The following RNASEH2B variants were observed in gnomAD, a reference collection of about 807,000 sequenced individuals.
RNASEH2B encodes the protein Aicardi-Goutieres syndrome 2 protein.
A neutral mutation model predicts 45.0 loss-of-function variants in RNASEH2B; 36 were observed. The ratio of observed to expected loss-of-function variants is 0.80; its 90% CI spans 0.61 to 1.06. The LOEUF (loss-of-function observed/expected upper bound fraction) is 1.06. Among genes scored for constraint, RNASEH2B ranks in the 50% least tolerant of loss-of-function variants. The pLI is 0.00. For missense variants in RNASEH2B, 361 were observed against 360.3 expected (o/e 1.00, Z -0.02); for synonymous variants, 119 against 125.7 (o/e 0.95, Z 0.35).
At position 50,934,911 on chromosome 13, in the gene RNASEH2B, TGTG is replaced by T; in HGVS notation, c.353_355del (p.Val118del). The T allele has an allele frequency of 6.2e-7, 1 of 1,613,760 alleles. No homozygotes were observed. The highest frequency in any genetic ancestry group is 8.5e-7 in the Non-Finnish European group (1 of 1,179,686). ...GGAAGTTTCAGCCCCTTGATCAAGTTGTGGTGGATAACGTGTTTCCAAATTGCA... is the reference window on the plus strand; with the variant it reads ...GGAAGTTTCAGCCCCTTGATCAAGTTGTGGATAACGTGTTTCCAAATTGCA... On this transcript the variant is annotated inframe_deletion, in exon 5 of 11. Transcript: ENST00000336617.
intron 3 of RNASEH2B, chr13:50,930,053 C>G: frequency 4.5e-6 from 1 of 220,400 alleles, no homozygotes. Flanking sequence ...ACATACACCC[C>G]CCAGCACCAA....
intron 1 of RNASEH2B, among the ~76,000 whole-genome samples, chr13:50,920,120 T>G (rs1951502806): frequency 6.6e-6 from 1 of 152,102 alleles, no homozygotes; most frequent in Admixed American, 6.6e-5. Flanking sequence ...TCTAACTGCC[T>G]CCTGGGTTCA....
chr13:50,954,015 G>T (rs369199159), intron 10 of RNASEH2B, 30 bp downstream of exon 10: 3 of 1,372,308 alleles, frequency 2.2e-6, no homozygotes, highest in African/African-American at 2.8e-5. Context: ...GTGGTGTTTC[G>T]TTCATACTCA....
chr13:50,927,395 G>A lies in RNASEH2B; in HGVS notation c.65-12G>A. 2.7e-6 allele frequency: 4 copies of A among 1,506,504 alleles called. No homozygotes were observed. The highest frequency in any genetic ancestry group is 3.7e-6 in the Non-Finnish European group (4 of 1,082,432). 93.3% of individuals were successfully genotyped at this position (1,506,504 alleles called of 1,614,324 possible). Reference sequence around the variant, plus strand: ...TGTGTTTTAATTTTAGATATTCACGGTTTATTTTCAGAATATTTAAAAGAT... The same window carrying A: ...TGTGTTTTAATTTTAGATATTCACGATTTATTTTCAGAATATTTAAAAGAT... On this transcript the variant is annotated splice_polypyrimidine_tract_variant and intron_variant, in intron 1 of 10. Coordinates refer to ENST00000336617, the MANE Select transcript of RNASEH2B (RefSeq NM_024570.4).
intron 8 of RNASEH2B, chr13:50,948,682 TTTG>T (rs1450345577): frequency 3.3e-5 from 5 of 152,288 alleles, no homozygotes; most frequent in South Asian, 4.1e-4. Flanking sequence ...GTTACTTAAT[TTTG>T]TTGTTAAGAT....
At chr13:50,952,814 G>A (rs1951994080) in intron 9 of RNASEH2B, 1 of 152,222 alleles carries the variant, frequency 6.6e-6, no homozygotes, top group African/African-American at 2.4e-5. Context: ...AGAGGTTGCT[G>A]TGTGGCCAAG....
In RNASEH2B at chr13:50,920,191, T is replaced by C. The variant is rs112929111; in HGVS notation, c.65-7216T>C. Among the ~76,000 whole-genome samples the C allele has an allele frequency of 5.1e-3, 778 of 152,274 alleles. 1 individual carries two copies. Among genetic ancestry groups the C allele is most frequent in the Non-Finnish European group, 7.7e-3 (522 of 68,012 alleles). On this transcript the variant is annotated intron_variant, in intron 1 of 10. Coordinates refer to ENST00000336617, the MANE Select transcript of RNASEH2B (RefSeq NM_024570.4). ...TCCCAAGTAGCTGGGATTACAGGCATGTGCCACCACACCCGGCTAATTTTT... is the reference window on the plus strand; with the variant it reads ...TCCCAAGTAGCTGGGATTACAGGCACGTGCCACCACACCCGGCTAATTTTT...
chr13:50,949,149 A>G (rs941999218), intron 8 of RNASEH2B: 3 of 278,518 alleles, frequency 1.1e-5, no homozygotes, highest in Non-Finnish European at 2.0e-5. Context: ...CATCTTCACT[A>G]TGAAGAAAAA....
downstream of RNASEH2B, chr13:50,959,990 T>C (rs114153983): frequency 6.2e-3 from 2,190 of 355,814 alleles, 40 homozygotes; most frequent in African/African-American, 0.043. Flanking sequence ...TAAATATTCT[T>C]ATTTGGGAAT....
chr13:50,936,017 T>C (rs1467908498), intron 5 of RNASEH2B: 1 of 151,948 alleles, frequency 6.6e-6, no homozygotes, highest in Non-Finnish European at 1.5e-5. Flanking sequence ...TGGGTGGTGG[T>C]CAAGGAGAAG....
At chr13:50,950,115 A>G (rs200841932) in intron 9 of RNASEH2B, 1 of 152,558 alleles carries the variant, frequency 6.6e-6, no homozygotes, top group Non-Finnish European at 1.5e-5. Flanking sequence ...CCTGACTGCA[A>G]ATTGCAGCGT....
chr13:50,916,345 TTGG>T (rs1379352806), intron 1 of RNASEH2B, among the ~76,000 whole-genome samples: 1 of 152,198 alleles, frequency 6.6e-6, no homozygotes, highest in African/African-American at 2.4e-5. Flanking sequence ...CTACATAAAA[TTGG>T]AGAAAGTTCA....
chr13:50,956,239 TAGTG>T (rs1218255700), intron 10 of RNASEH2B, 115 bp from the exon 11 acceptor site: 7 of 781,692 alleles, frequency 9.0e-6, no homozygotes, highest in Non-Finnish European at 1.5e-5. Flanking sequence ...TGAAGCATGT[TAGTG>T]GGGGATGCTT....
intron 6 of RNASEH2B, among the ~76,000 whole-genome samples, chr13:50,944,769 G>T (rs1456545788): frequency 1.3e-5 from 2 of 152,150 alleles, no homozygotes; most frequent in African/African-American, 4.8e-5. Context: ...GATTTAGAGT[G>T]CCATGTTTCA....
At chr13:50,920,007 GTGTTTTGTTTTGTTTTGTTTTGTTT>G (rs201084919) in intron 1 of RNASEH2B, among the ~76,000 whole-genome samples, 1 of 149,660 alleles carries the variant, frequency 6.7e-6, no homozygotes, top group East Asian at 2.0e-4. Flanking sequence ...TTTGTTGAGG[GTGTTTTGTTTTGTTTTGTTTTGTTT>G]TGTTTTGTTT....
At chr13:50,943,445 A>T in intron 6 of RNASEH2B, 51 bp downstream of exon 6, 1 of 1,331,656 alleles carries the variant, frequency 7.5e-7, no homozygotes, top group Admixed American at 1.7e-5. Flanking sequence ...TCAGTTCTCT[A>T]AGAAATTTTC....
At chr13:50,918,426 T>C (rs1879870360) in intron 1 of RNASEH2B, among the ~76,000 whole-genome samples, 2 of 152,218 alleles carry the variant, frequency 1.3e-5, no homozygotes, top group Non-Finnish European at 2.9e-5. Context: ...CGTGAGCCAC[T>C]GCGCCCGGCC....
At chr13:50,912,272 C>G (rs1188679701) in intron 1 of RNASEH2B, 3 of 152,278 alleles carry the variant, frequency 2.0e-5, no homozygotes, top group African/African-American at 4.8e-5. Flanking sequence ...CACTAGTTCT[C>G]AAACTTGAGG....
rs77391331 is a variant in RNASEH2B, at chr13:50,948,025, T to C, written c.655T>C (p.Tyr219His). The C allele has an allele frequency of 1.2e-6, 2 of 1,611,576 alleles. No individual in the cohort carries two copies. The highest frequency in any genetic ancestry group is 3.3e-5 in the Admixed American group (2 of 59,992). The change falls in exon 8 of 11, where the codon TAC becomes CAC. Residue 219 changes from tyrosine (Y) to histidine (H), a missense_variant. Coordinates refer to ENST00000336617, the MANE Select transcript of RNASEH2B (RefSeq NM_024570.4). ...IRYAHGLISD[Y>H]IPKELSDDLS... The stretch of plus-strand genomic sequence containing the variant: ...TTATGCCCATGGTCTGATATCTGAC[T>C]ACATCCCTAAAGAATTAAGTGATGA...
Sources: allele counts gnomAD v4.1 joint callset (sites outside exome capture counted in the v4.1 genomes callset), GRCh38; gene constraint gnomAD v4.1.1; transcripts MANE v1.5; gene names NCBI Gene and HGNC (gene_info 2026-07-23, HGNC 2026-07-21).